SPG7: variants seen among roughly 807,000 people sequenced by gnomAD.
SPG7 encodes SPG7 matrix AAA peptidase subunit, paraplegin, also known as mitochondrial inner membrane m-AAA protease component paraplegin.
In SPG7, 103 loss-of-function variants were observed where a neutral mutation model predicts 81.9. The ratio of observed to expected loss-of-function variants is 1.26; its 90% CI spans 1.07 to 1.48. The LOEUF (loss-of-function observed/expected upper bound fraction) is 1.48, where lower values mean the gene tolerates loss of function less well. Ranked by LOEUF, SPG7 falls within the 40% of genes most tolerant of loss-of-function variation. The pLI, the probability that SPG7 is intolerant of heterozygous loss-of-function variation, is 0.00. For synonymous variants in SPG7, 534 were observed against 444.2 expected (o/e 1.20, Z -2.54); for missense variants, 1,241 against 1,087.3 (o/e 1.14, Z -1.99).
At chr16:89,551,397 A>G (rs996560753) in intron 13 of SPG7, 1 of 155,052 alleles carries the variant, frequency 6.4e-6, no homozygotes, top group African/African-American at 2.4e-5. Flanking sequence ...GAGTTGTAGC[A>G]AAGTTGCGTG....
intron 7 of SPG7, chr16:89,531,131 C>T: frequency 2.2e-6 from 1 of 447,808 alleles, no homozygotes. Context: ...GGTGGCAGTG[C>T]ATGAGCTGCC....
intron 15 of SPG7, 86 bp downstream of exon 15, chr16:89,554,046 C>G (rs1045800229): frequency 6.8e-7 from 1 of 1,478,948 alleles, no homozygotes; most frequent in Non-Finnish European, 9.3e-7. Context: ...CGCCCACGGC[C>G]GCCCCAGCGG....
chr16:89,508,626 C>A, intron 1 of SPG7, 26 bp downstream of exon 1: 1 of 1,433,966 alleles, frequency 7.0e-7, no homozygotes, highest in South Asian at 1.4e-5. Context: ...GTCCGGGCCC[C>A]ACCTCCCGCC....
chr16:89,528,088 T>C (rs1160351165), intron 5 of SPG7, among the ~76,000 whole-genome samples: 3 of 150,354 alleles, frequency 2.0e-5, no homozygotes, highest in African/African-American at 7.4e-5. Context: ...AGGCCGATGA[T>C]GGACAGAAGG....
Position 89,508,413 on chromosome 16 carries a change from C to A in SPG7, c.-5C>A. On this transcript the variant is annotated 5_prime_UTR_variant, in exon 1 of 17. Coordinates refer to ENST00000645818, the MANE Select transcript of SPG7 (RefSeq NM_003119.4). ...GGATCACGCAGGCGCGGCTTTCAGG[C>A]CAACATGGCCGTGCTGCTGCTGCTG... 1.3e-6 allele frequency: 2 copies of A among 1,482,604 alleles called. No homozygotes were observed. Among genetic ancestry groups the A allele is most frequent in the Non-Finnish European group, 1.8e-6 (2 of 1,123,104 alleles). The allele number at this position is 1,482,604 out of a possible 1,614,324, so 91.8% of individuals were successfully genotyped here.
chr16:89,554,491 A>C lies in SPG7; in HGVS notation c.2109A>C (p.Ala703=). ...ACAGTTCCCTCCACTCACAGGAAGC[A>C]AGACTGCTGGTGGCCAAGGCCTACA... ...QGLQQMMDHE[A]RLLVAKAYRH... The change falls in exon 16 of 17, where the codon GCA becomes GCC. Residue 703 remains alanine, a synonymous_variant. Coordinates refer to ENST00000645818, the MANE Select transcript of SPG7 (RefSeq NM_003119.4). The C allele has an allele frequency of 6.2e-7, 1 of 1,608,330 alleles. No individual in the cohort carries two copies. The highest frequency in any genetic ancestry group is 8.5e-7 in the Non-Finnish European group (1 of 1,179,218).
rs74037217 is a variant in SPG7 at position 89,529,351 on chromosome 16, C to T, written c.759-126C>T. On this transcript the variant is annotated intron_variant, in intron 5 of 16. Transcript: ENST00000645818. ...TCCACAACCATTTTAATCTGCGCAT[C>T]GGTCCCAGACGTAGGGATTCCTCGT... 5,484 of 714,832 alleles carry T rather than the reference C, an allele frequency of 7.7e-3. 218 individuals carry two copies. In the African/African-American group the frequency reaches 0.084, roughly 11 times the overall value. 44.3% of individuals were successfully genotyped at this position (714,832 alleles called of 1,614,324 possible). A position where few individuals can be genotyped will look rare whatever the true frequency, so the allele number is the denominator to read the frequency against.
chr16:89,511,103 G>T (rs1367598952), intron 2 of SPG7, among the ~76,000 whole-genome samples: 2 of 152,190 alleles, frequency 1.3e-5, no homozygotes, highest in Admixed American at 6.5e-5. Context: ...CTCCCAAAGT[G>T]TTGAGATCAC....
rs1466543148 is a variant in SPG7, at chr16:89,553,143, G to A, written c.1936+8G>A. 1.3e-6 allele frequency: 2 copies of A among 1,595,208 alleles called. No homozygotes were observed. Among genetic ancestry groups the A allele is most frequent in the Non-Finnish European group, 8.5e-7 (1 of 1,171,044 alleles). On this transcript the variant is annotated splice_region_variant and intron_variant, in intron 14 of 16. Coordinates refer to ENST00000645818, the MANE Select transcript of SPG7 (RefSeq NM_003119.4). The stretch of plus-strand genomic sequence containing the variant: ...TCAACGAGGTCACTTCTGGTGAGGA[G>A]CAGCGGCGCGGGCCCTGGAGGTTTC...
intron 9 of SPG7, chr16:89,537,534 ACTTTTTT>A: frequency 1.0e-6 from 1 of 988,866 alleles, no homozygotes; most frequent in Admixed American, 5.9e-5. Flanking sequence ...TTATGCTTCG[ACTTTTTT>A]TTTCTTCAGA....
chr16:89,546,635 C>T (rs1284807073), intron 10 of SPG7, 23 bp from the exon 11 acceptor site: 26 of 1,551,658 alleles, frequency 1.7e-5, no homozygotes, highest in Non-Finnish European at 2.2e-5. Flanking sequence ...GCCCGACTGT[C>T]TTTCCTCCCC....
intron 13 of SPG7, 136 bp downstream of exon 13, chr16:89,550,745 A>C: frequency 1.4e-6 from 1 of 695,624 alleles, no homozygotes; most frequent in South Asian, 1.5e-5. Context: ...TCTGTAGGTC[A>C]TGTGAGAGGA....
At position 89,532,478 on chromosome 16, in the gene SPG7, G is replaced by C; in HGVS notation, c.1166G>C (p.Arg389Pro). The C allele has an allele frequency of 1.2e-6, 2 of 1,613,480 alleles. No individual in the cohort carries two copies. Among genetic ancestry groups the C allele is most frequent in the Non-Finnish European group, 1.7e-6 (2 of 1,180,020 alleles). Residue 389 changes from arginine (R) to proline (P), a missense_variant, in exon 9 of 17, where the codon CGT becomes CCT. Arg to Pro is a moderately radical substitution (Grantham distance 103). Transcript: ENST00000645818. ...GTCCCCTCAGGCCTCGGCGCTGCCC[G>C]TGTGCGGAGCCTCTTTAAGGAAGCC... is the stretch of plus-strand genomic sequence containing the variant. ...VEVIGGLGAA[R>P]VRSLFKEARA...
At chr16:89,527,535 A>T (rs2058280575) in intron 5 of SPG7, among the ~76,000 whole-genome samples, 1 of 152,180 alleles carries the variant, frequency 6.6e-6, no homozygotes, top group Non-Finnish European at 1.5e-5. Flanking sequence ...GTCAAGGAGG[A>T]CCGTGATAAT....
At chr16:89,546,797 C>T in intron 11 of SPG7, 37 bp downstream of exon 11, 3 of 1,412,308 alleles carry the variant, frequency 2.1e-6, no homozygotes, top group Non-Finnish European at 3.0e-6. Flanking sequence ...AGCGTCACGT[C>T]CTGAGGGCAG....
chr16:89,528,349 A>C (rs1360735737), intron 5 of SPG7, among the ~76,000 whole-genome samples: 1 of 148,986 alleles, frequency 6.7e-6, no homozygotes, highest in African/African-American at 2.5e-5. Flanking sequence ...CCAAGATAGC[A>C]CCACTGCAGT....
At chr16:89,512,104 G>C (rs1005226029) in intron 2 of SPG7, among the ~76,000 whole-genome samples, 6 of 151,808 alleles carry the variant, frequency 4.0e-5, no homozygotes, top group African/African-American at 1.5e-4. Context: ...GTAGAGACGG[G>C]GTTTCACCAT....
At chr16:89,546,846 G>A (rs1380654299) in intron 11 of SPG7, 86 bp downstream of exon 11, 10 of 883,568 alleles carry the variant, frequency 1.1e-5, no homozygotes, top group Non-Finnish European at 1.9e-5. Flanking sequence ...GGCCTCCTCT[G>A]TGGGGTGGGC....
At chr16:89,551,112 A>G (rs1255580758) in intron 13 of SPG7, 1 of 215,694 alleles carries the variant, frequency 4.6e-6, no homozygotes. Context: ...TGTGAACTCG[A>G]TGGACATTTA....
Sources: allele counts gnomAD v4.1 joint callset (sites outside exome capture counted in the v4.1 genomes callset), GRCh38; gene constraint gnomAD v4.1.1; transcripts MANE v1.5; gene names NCBI Gene and HGNC (gene_info 2026-07-23, HGNC 2026-07-21).